The following PTPN21 variants were observed in gnomAD, a reference collection of about 807,000 sequenced individuals.
PTPN21 encodes the protein tyrosine-protein phosphatase non-receptor type 21.
Under a neutral mutation model 131.8 loss-of-function variants are expected in PTPN21, and 77 were observed. That is an observed-to-expected ratio of 0.58 (90% confidence interval 0.49 to 0.71). The LOEUF (loss-of-function observed/expected upper bound fraction) is 0.71, where lower values mean the gene tolerates loss of function less well. PTPN21 is among the 30% of genes least tolerant of loss of function. PTPN21 has a pLI of 0.00. For synonymous variants in PTPN21, 715 were observed against 621.3 expected (o/e 1.15, Z -2.24); for missense variants, 1,552 against 1,527.1 (o/e 1.02, Z -0.27).
intron 3 of PTPN21, among the ~76,000 whole-genome samples, chr14:88,509,411 T>C (rs549659455): frequency 2.0e-5 from 3 of 152,082 alleles, no homozygotes; most frequent in Admixed American, 6.6e-5. Flanking sequence ...TTCATATGAG[T>C]CTTTATCATC....
At chr14:88,518,414 ATTTTTTTTTTTTTT>A (rs869305749) in intron 2 of PTPN21, among the ~76,000 whole-genome samples, 18 of 10,786 alleles carry the variant, frequency 1.7e-3, no homozygotes, top group Non-Finnish European at 3.2e-3. Context: ...ATATATATAT[ATTTTTTTTTTTTTT>A]TTTTTTTTTT....
At chr14:88,468,473 C>G (rs756696486) in intron 18 of PTPN21, among the ~76,000 whole-genome samples, 4 of 152,166 alleles carry the variant, frequency 2.6e-5, no homozygotes, top group Admixed American at 6.5e-5. Context: ...CAGACTATTT[C>G]TTCAACATTC....
At chr14:88,528,912 C>T (rs999448128) in intron 2 of PTPN21, among the ~76,000 whole-genome samples, 9 of 152,304 alleles carry the variant, frequency 5.9e-5, no homozygotes, top group African/African-American at 2.2e-4. Context: ...GGTATACGTT[C>T]ATATCATCAG....
intron 2 of PTPN21, among the ~76,000 whole-genome samples, chr14:88,522,873 T>C (rs111230380): frequency 6.6e-6 from 1 of 152,002 alleles, no homozygotes; most frequent in Admixed American, 6.6e-5. Flanking sequence ...GTTTCTAAAA[T>C]AGGTAGGTGG....
chr14:88,488,586 G>A (rs1050470846), intron 10 of PTPN21, among the ~76,000 whole-genome samples: 15 of 152,318 alleles, frequency 9.8e-5, no homozygotes, highest in African/African-American at 3.6e-4. Context: ...CAGTTACTAT[G>A]TTGATGGGTG....
intron 2 of PTPN21, among the ~76,000 whole-genome samples, chr14:88,545,853 G>C (rs2078769483): frequency 6.6e-6 from 1 of 151,964 alleles, no homozygotes. Flanking sequence ...CCAGTTACTT[G>C]GGAGGCTGAG....
At chr14:88,521,847 A>G (rs2078399201) in intron 2 of PTPN21, among the ~76,000 whole-genome samples, 1 of 152,210 alleles carries the variant, frequency 6.6e-6, no homozygotes, top group African/African-American at 2.4e-5. Context: ...GGTTTATTGT[A>G]TAATTTGTGG....
At chr14:88,474,146 AAAAAAAAAAC>A (rs572859619) in intron 13 of PTPN21, among the ~76,000 whole-genome samples, 8 of 136,300 alleles carry the variant, frequency 5.9e-5, no homozygotes, top group Middle Eastern at 3.2e-3. Context: ...AAAAAAAAAA[AAAAAAAAAAC>A]AAAAGCTTTA....
At chr14:88,530,804 C>A (rs563620303) in intron 2 of PTPN21, among the ~76,000 whole-genome samples, 45 of 151,642 alleles carry the variant, frequency 3.0e-4, no homozygotes, top group African/African-American at 1.1e-3. Context: ...ACTACTAGAC[C>A]AAAAAAATGA....
At chr14:88,495,971 G>C (rs1414116016) in intron 10 of PTPN21, among the ~76,000 whole-genome samples, 3 of 152,172 alleles carry the variant, frequency 2.0e-5, no homozygotes, top group Non-Finnish European at 4.4e-5. Context: ...GAGGCTGGAG[G>C]GGAGTATAGA....
chr14:88,525,807 C>T (rs897661846), intron 2 of PTPN21, among the ~76,000 whole-genome samples: 9 of 152,132 alleles, frequency 5.9e-5, no homozygotes, highest in African/African-American at 2.2e-4. Context: ...GCCAAATGTC[C>T]ATCAATAGAT....
At chr14:88,528,012 T>C (rs951046228) in intron 2 of PTPN21, among the ~76,000 whole-genome samples, 11 of 152,306 alleles carry the variant, frequency 7.2e-5, no homozygotes, top group African/African-American at 2.6e-4. Flanking sequence ...CATTGACCTA[T>C]GTTTTTATAC....
chr14:88,480,283 A>G lies in PTPN21; in HGVS notation c.1148T>C (p.Ile383Thr), dbSNP rs1446950664. 2 of 1,614,218 alleles carry G rather than the reference A, an allele frequency of 1.2e-6. No homozygotes were observed. Among genetic ancestry groups the G allele is most frequent in the Non-Finnish European group, 8.5e-7 (1 of 1,180,020 alleles). Reference protein sequence around the residue: ...HSQTSLDRAQIDLNGRIRNGS... With the variant: ...HSQTSLDRAQTDLNGRIRNGS... ...ATTACGGATCCGACCGTTGAGGTCAATCTGGGCTCTATCCAAGCTTGTCTG... is the reference window on the plus strand; with the variant it reads ...ATTACGGATCCGACCGTTGAGGTCAGTCTGGGCTCTATCCAAGCTTGTCTG... Residue 383 changes from isoleucine to threonine, a missense_variant, in exon 13 of 19, where the codon ATT becomes ACT. Physicochemically the swap from Ile to Thr is moderately conservative, Grantham distance 89. This residue lies in a region of PTPN21 where 1,016 missense variants were observed against 883.5 expected (regional missense o/e 1.15). Transcript: ENST00000556564.
chr14:88,508,300 C>A (rs536823393), intron 3 of PTPN21, among the ~76,000 whole-genome samples: 1 of 151,956 alleles, frequency 6.6e-6, no homozygotes, highest in African/African-American at 2.4e-5. Flanking sequence ...CAGGTGCATA[C>A]CACTATGCCT....
chr14:88,507,836 G>T, intron 4 of PTPN21, 87 bp downstream of exon 4: 1 of 743,308 alleles, frequency 1.3e-6, no homozygotes, highest in Non-Finnish European at 2.2e-6. Context: ...GATGTATATA[G>T]ATAGATAACT....
At position 88,472,382 on chromosome 14, in the gene PTPN21, C is replaced by T; in HGVS notation, c.2733G>A (p.Gly911=). The change falls in exon 15 of 19, where the codon GGG becomes GGA. Residue 911 remains glycine (G), a synonymous_variant. Transcript: ENST00000556564. Reference sequence around the variant, plus strand: ...CAGGGAGTCGTGCTGTTGAGCACTCCCCATCAACTAGCCGTTTCTTAAGAA... The same window carrying T: ...CAGGGAGTCGTGCTGTTGAGCACTCTCCATCAACTAGCCGTTTCTTAAGAA... ...ERILKKRLVD[G]ECSTARLPEN... 1 of 1,613,822 alleles carries T rather than the reference C, an allele frequency of 6.2e-7. No homozygotes were observed. Among genetic ancestry groups the T allele is most frequent in the Non-Finnish European group, 8.5e-7 (1 of 1,179,738 alleles).
chr14:88,484,234 T>A (rs955393759), intron 12 of PTPN21, among the ~76,000 whole-genome samples: 3 of 146,844 alleles, frequency 2.0e-5, no homozygotes, highest in African/African-American at 7.6e-5. Flanking sequence ...TTTTTTTTGG[T>A]AGAGACAGGG....
At chr14:88,524,223 A>G (rs2078442370) in intron 2 of PTPN21, among the ~76,000 whole-genome samples, 1 of 152,216 alleles carries the variant, frequency 6.6e-6, no homozygotes, top group Non-Finnish European at 1.5e-5. Flanking sequence ...CTTGTTTCAA[A>G]ACTTATTACA....
At chr14:88,513,204 G>A (rs2078212423) in intron 3 of PTPN21, among the ~76,000 whole-genome samples, 2 of 151,900 alleles carry the variant, frequency 1.3e-5, no homozygotes, top group South Asian at 2.1e-4. Context: ...TCTCACCGTC[G>A]CCCAGGCTGG....
Sources: gnomAD v4.1 joint callset for allele counts (sites outside exome capture counted in the v4.1 genomes callset) on GRCh38, gnomAD v4.1.1 for gene constraint, gnomAD v4.1.1 regional missense constraint, MANE v1.5 for transcripts, NCBI Gene and HGNC (gene_info 2026-07-23, HGNC 2026-07-21) for gene names.